The following TBC1D1 variants were observed in gnomAD, a reference collection of about 807,000 sequenced individuals.
TBC1D1 encodes TBC1 domain family member 1, also known as TBC1 (tre-2/USP6, BUB2, cdc16) domain family, member 1.
Under a neutral mutation model 125.6 loss-of-function variants are expected in TBC1D1, and 89 were observed. The ratio of observed to expected loss-of-function variants is 0.71; its 90% CI spans 0.60 to 0.85. The LOEUF is 0.85. Among genes scored for constraint, TBC1D1 ranks in the 40% least tolerant of loss-of-function variants. TBC1D1 has a pLI of 0.00. For synonymous variants in TBC1D1, 565 were observed against 564.1 expected (o/e 1.00, Z -0.02); for missense variants, 1,377 against 1,469.2 (o/e 0.94, Z 1.03).
At chr4:38,042,345 C>T (rs1350827516) in intron 8 of TBC1D1, among the ~76,000 whole-genome samples, 4 of 151,980 alleles carry the variant, frequency 2.6e-5, no homozygotes, top group African/African-American at 7.3e-5. Flanking sequence ...ATCTCTGCCT[C>T]CTGGGTTCGA....
intron 2 of TBC1D1, among the ~76,000 whole-genome samples, chr4:37,917,641 G>A (rs1410707279): frequency 6.6e-6 from 1 of 152,128 alleles, no homozygotes; most frequent in Non-Finnish European, 1.5e-5. Flanking sequence ...ACTAACTGTG[G>A]ACTCCCAAGA....
chr4:37,985,584 T>C (rs1232106606), intron 2 of TBC1D1, among the ~76,000 whole-genome samples: 1 of 152,266 alleles, frequency 6.6e-6, no homozygotes, highest in Non-Finnish European at 1.5e-5. Flanking sequence ...TTTGTATTTA[T>C]CTTTTTAAAA....
At chr4:37,990,175 G>A (rs1736267542) in intron 2 of TBC1D1, among the ~76,000 whole-genome samples, 1 of 152,170 alleles carries the variant, frequency 6.6e-6, no homozygotes, top group African/African-American at 2.4e-5. Context: ...TCTCTATTGT[G>A]TTAGGCTTTT....
chr4:38,062,288 G>C (rs1222821394), intron 12 of TBC1D1, among the ~76,000 whole-genome samples: 2 of 149,600 alleles, frequency 1.3e-5, no homozygotes, highest in Non-Finnish European at 3.0e-5. Context: ...TTTTCCCTGC[G>C]TGTTTTTGTT....
chr4:38,131,638 T>C (rs571958021), intron 18 of TBC1D1, among the ~76,000 whole-genome samples: 2 of 152,320 alleles, frequency 1.3e-5, no homozygotes, highest in South Asian at 4.1e-4. Flanking sequence ...TGAGAGAGGT[T>C]AAGTACCGAG....
At chr4:37,989,212 C>A (rs1161573203) in intron 2 of TBC1D1, among the ~76,000 whole-genome samples, 1 of 152,200 alleles carries the variant, frequency 6.6e-6, no homozygotes. Context: ...GCCTCATCTG[C>A]ATGATAAAAA....
intron 2 of TBC1D1, among the ~76,000 whole-genome samples, chr4:37,925,285 A>T (rs1721836510): frequency 6.6e-6 from 1 of 152,130 alleles, no homozygotes; most frequent in Non-Finnish European, 1.5e-5. Context: ...TGCCATTTAC[A>T]CTGCTGGGTT....
At chr4:38,103,899 C>T (rs566830719) in intron 15 of TBC1D1, among the ~76,000 whole-genome samples, 1 of 151,702 alleles carries the variant, frequency 6.6e-6, no homozygotes, top group African/African-American at 2.4e-5. Flanking sequence ...GTGGCTCACG[C>T]CTGTAATCTC....
Position 38,014,837 on chromosome 4 carries a change from A to T in TBC1D1, c.746A>T (p.Glu249Val). The change falls in exon 3 of 20, where the codon GAG becomes GTG. Residue 249 changes from glutamate (E) to valine (V), a missense_variant. Around this residue, in one of 3 missense-constraint regions of TBC1D1, gnomAD observed 822 missense variants for 824.6 expected, o/e 1.00. Coordinates refer to ENST00000261439, the MANE Select transcript of TBC1D1 (RefSeq NM_015173.4). The surrounding 1 kb of genome is among the most constrained non-coding windows in gnomAD (Gnocchi z 5.1). The stretch of plus-strand genomic sequence containing the variant: ...CTGCGCTCGCTGGCCTTTAGGAAGG[A>T]GCTGCAGGATGGGGGCCTCCGAAGC... The T allele has an allele frequency of 6.2e-7, 1 of 1,611,664 alleles. No homozygotes were observed. Among genetic ancestry groups the T allele is most frequent in the Non-Finnish European group, 8.5e-7 (1 of 1,178,584 alleles).
At chr4:38,107,577 G>GTTTTTTTTTTTT (rs3038351) in intron 15 of TBC1D1, among the ~76,000 whole-genome samples, 4 of 53,104 alleles carry the variant, frequency 7.5e-5, no homozygotes, top group Admixed American at 3.0e-4. Context: ...GTCTAAACAG[G>GTTTTTTTTTTTT]TTTTTTTTTT....
intron 14 of TBC1D1, among the ~76,000 whole-genome samples, chr4:38,099,648 A>G (rs1052648959): frequency 3.3e-5 from 5 of 152,314 alleles, no homozygotes; most frequent in Middle Eastern, 3.4e-3. Context: ...TTAAGTGAGT[A>G]AGAAGCTATT....
intron 2 of TBC1D1, among the ~76,000 whole-genome samples, chr4:38,001,119 C>T (rs1397743882): frequency 1.3e-5 from 2 of 152,048 alleles, no homozygotes; most frequent in African/African-American, 4.8e-5. Context: ...AATCGGGAGG[C>T]TGAGGCAGGA....
intron 4 of TBC1D1, 23 bp from the exon 5 acceptor site, chr4:38,020,568 A>G (rs368708958): frequency 4.4e-6 from 7 of 1,601,914 alleles, no homozygotes; most frequent in Non-Finnish European, 5.1e-6. Context: ...ACAACTGAAC[A>G]TCTCGTTCTC....
At chr4:38,123,758 GTTAA>G (rs2152608836) in intron 17 of TBC1D1, among the ~76,000 whole-genome samples, 1 of 152,298 alleles carries the variant, frequency 6.6e-6, no homozygotes, top group East Asian at 1.9e-4. Flanking sequence ...AGCTCACATG[GTTAA>G]TTAAGGGTTT....
At chr4:37,936,403 C>T (rs1036412376) in intron 2 of TBC1D1, among the ~76,000 whole-genome samples, 10 of 152,204 alleles carry the variant, frequency 6.6e-5, no homozygotes, top group South Asian at 6.2e-4. Context: ...GGGGGGTTAC[C>T]GCAACATAAA....
At chr4:38,102,894 A>G in intron 14 of TBC1D1, 105 bp from the exon 17 acceptor site, 1 of 1,359,670 alleles carries the variant, frequency 7.4e-7, no homozygotes. Context: ...AAAAAAAAAA[A>G]AGGAACAAGA....
rs774514436 is a variant in TBC1D1 at position 38,014,907 on chromosome 4, C to G, written c.816C>G (p.His272Gln). ...TCGAGGAGAGCGACATTGAGAACCACCTCATTAGCGGACACAATATTGTGC... is the reference window on the plus strand; with the variant it reads ...TCGAGGAGAGCGACATTGAGAACCAGCTCATTAGCGGACACAATATTGTGC... The change falls in exon 3 of 20, where the codon CAC (histidine) becomes CAG (glutamine). Residue 272 changes from histidine (H) to glutamine (Q), a missense_variant. His to Gln is a conservative substitution (Grantham distance 24). Transcript: ENST00000261439. This position sits in a 1 kb window ranked among gnomAD's most constrained non-coding sequence, Gnocchi z 5.1. The G allele has an allele frequency of 6.3e-7, 1 of 1,597,784 alleles. No individual in the cohort carries two copies. Among genetic ancestry groups the G allele is most frequent in the Non-Finnish European group, 8.6e-7 (1 of 1,168,710 alleles).
intron 12 of TBC1D1, among the ~76,000 whole-genome samples, chr4:38,063,938 G>GA (rs1401296302): frequency 6.6e-6 from 1 of 152,076 alleles, no homozygotes; most frequent in African/African-American, 2.4e-5. Flanking sequence ...GTCTAATTTT[G>GA]AAACATTTTT....
intron 12 of TBC1D1, among the ~76,000 whole-genome samples, chr4:38,062,799 A>AT (rs1753009913): frequency 6.6e-6 from 1 of 152,198 alleles, no homozygotes; most frequent in Non-Finnish European, 1.5e-5. Context: ...CAGCCAGTCC[A>AT]TAACACTGTG....
Sources: allele counts gnomAD v4.1 joint callset (sites outside exome capture counted in the v4.1 genomes callset), GRCh38; gene constraint gnomAD v4.1.1; regional missense constraint gnomAD v4.1.1; non-coding constraint Gnocchi (gnomAD v3.1); transcripts MANE v1.5; gene names NCBI Gene and HGNC (gene_info 2026-07-23, HGNC 2026-07-21).